NEK6: variants seen among roughly 807,000 people sequenced by gnomAD.
NEK6 encodes serine/threonine-protein kinase Nek6.
NEK6 carries 27 observed loss-of-function variants against 43.5 expected under a neutral mutation model. The ratio of observed to expected loss-of-function variants is 0.62; its 90% CI spans 0.46 to 0.86. The LOEUF (loss-of-function observed/expected upper bound fraction) is 0.86, where lower values mean the gene tolerates loss of function less well. Among genes scored for constraint, NEK6 ranks in the 40% least tolerant of loss-of-function variants. The pLI, the probability that NEK6 is intolerant of heterozygous loss-of-function variation, is 0.00. For synonymous variants in NEK6, 167 were observed against 164.1 expected (o/e 1.02, Z -0.14); for missense variants, 318 against 414.4 (o/e 0.77, Z 2.02).
chr9:124,306,500 G>A (rs1417103095), intron 2 of NEK6, among the ~76,000 whole-genome samples: 1 of 152,182 alleles, frequency 6.6e-6, no homozygotes, highest in Admixed American at 6.5e-5. Context: ...TGTACCAACA[G>A]CCCAGTGCCT....
intron 4 of NEK6, among the ~76,000 whole-genome samples, chr9:124,320,427 G>A (rs554447828): frequency 6.6e-6 from 1 of 152,292 alleles, no homozygotes; most frequent in Non-Finnish European, 1.5e-5. Flanking sequence ...TAGAATCCAC[G>A]GATGGGCACA....
intron 3 of NEK6, among the ~76,000 whole-genome samples, chr9:124,312,931 A>T (rs977732092): frequency 6.6e-6 from 1 of 152,178 alleles, no homozygotes; most frequent in Non-Finnish European, 1.5e-5. Flanking sequence ...GGGGATTGTC[A>T]TTTCATCTCT....
chr9:124,279,188 A>T (rs1831781963), intron 1 of NEK6, among the ~76,000 whole-genome samples: 1 of 151,668 alleles, frequency 6.6e-6, no homozygotes, highest in Non-Finnish European at 1.5e-5. Flanking sequence ...GAGGGTCTTT[A>T]TGGGGGCAAA....
At position 124,296,659 on chromosome 9, in the gene NEK6, A is replaced by T. The variant is rs545133954; in HGVS notation, c.-29-5277A>T. On this transcript the variant is annotated intron_variant, in intron 1 of 9. Coordinates refer to ENST00000320246, the MANE Select transcript of NEK6 (RefSeq NM_014397.6). ...GAATGCACTTCCATGCATGGACCCC[A>T]GTACACATGGACCCTTGCAAGCTCA... 7.9e-5 allele frequency among the ~76,000 whole-genome samples: 12 copies of T among 152,342 alleles called. No homozygotes were observed. The South Asian group carries it at 2.1e-3, about 26-fold the overall frequency.
chr9:124,315,801 T>C (rs894078707), intron 4 of NEK6, among the ~76,000 whole-genome samples: 3 of 152,226 alleles, frequency 2.0e-5, no homozygotes, highest in Non-Finnish European at 4.4e-5. Context: ...AGGGCTGCCA[T>C]GCAGCCAAGG....
intron 8 of NEK6, among the ~76,000 whole-genome samples, chr9:124,340,530 A>G (rs998498712): frequency 6.6e-6 from 1 of 152,118 alleles, no homozygotes; most frequent in African/African-American, 2.4e-5. Context: ...CCTGTCTTGC[A>G]TTGTCCTCAG....
At chr9:124,279,974 A>G (rs1367624492) in intron 1 of NEK6, among the ~76,000 whole-genome samples, 1 of 152,242 alleles carries the variant, frequency 6.6e-6, no homozygotes, top group Non-Finnish European at 1.5e-5. Flanking sequence ...AAATGATGGC[A>G]GAGTGGGTTA....
At chr9:124,346,638 C>A (rs1564665677) in intron 8 of NEK6, among the ~76,000 whole-genome samples, 1 of 152,174 alleles carries the variant, frequency 6.6e-6, no homozygotes, top group Non-Finnish European at 1.5e-5. Flanking sequence ...ACGAGAAGCT[C>A]TTTCCCATTA....
chr9:124,329,431 G>T (rs754127291), intron 7 of NEK6, among the ~76,000 whole-genome samples: 1 of 152,326 alleles, frequency 6.6e-6, no homozygotes, highest in East Asian at 1.9e-4. Flanking sequence ...CGTCTCATCC[G>T]ACAGTATGAT....
chr9:124,269,605 C>T (rs1309845516), intron 1 of NEK6, among the ~76,000 whole-genome samples: 5 of 151,976 alleles, frequency 3.3e-5, no homozygotes, highest in South Asian at 2.1e-4. Flanking sequence ...TCGAGTGATC[C>T]GCCTGCCTCG....
chr9:124,319,292 T>A (rs1174110315), intron 4 of NEK6, among the ~76,000 whole-genome samples: 1 of 151,416 alleles, frequency 6.6e-6, no homozygotes, highest in Non-Finnish European at 1.5e-5. Context: ...CCTCCTCTGC[T>A]CACTTTTTAA....
chr9:124,305,142 G>C (rs186428290), intron 2 of NEK6, among the ~76,000 whole-genome samples: 2 of 152,212 alleles, frequency 1.3e-5, no homozygotes, highest in Admixed American at 1.3e-4. Context: ...ACTTCGCAGG[G>C]GATTGGGTCA....
chr9:124,266,536 G>A lies in NEK6; in HGVS notation c.-30+8451G>A, dbSNP rs976631749. On this transcript the variant is annotated intron_variant, in intron 1 of 9. Transcript: ENST00000320246. The stretch of plus-strand genomic sequence containing the variant: ...GTGAGGGCCCCCAGGCAGCTGGAAG[G>A]AACAGTGTGCACCCAGGTACCATGC... Among the ~76,000 whole-genome samples, 3 of 152,196 alleles carry A rather than the reference G, an allele frequency of 2.0e-5. No individual in the cohort carries two copies. In the East Asian group the frequency reaches 5.8e-4, roughly 29 times the overall value.
At chr9:124,347,454 CTTTA>C (rs1829996755) in intron 8 of NEK6, among the ~76,000 whole-genome samples, 1 of 152,230 alleles carries the variant, frequency 6.6e-6, no homozygotes, top group Admixed American at 6.5e-5. Flanking sequence ...AGCTGCCCTT[CTTTA>C]TTGCCTTGAA....
intron 7 of NEK6, among the ~76,000 whole-genome samples, chr9:124,329,547 G>A (rs1009127064): frequency 2.6e-5 from 4 of 152,216 alleles, no homozygotes; most frequent in South Asian, 2.1e-4. Context: ...TCCGAGCGCC[G>A]ACCAGGCCAC....
intron 9 of NEK6, among the ~76,000 whole-genome samples, chr9:124,349,126 C>T (rs575821257): frequency 2.6e-5 from 4 of 152,250 alleles, no homozygotes; most frequent in Admixed American, 6.5e-5. Context: ...GTTGCAGACT[C>T]CAGGGCTAGA....
At chr9:124,278,702 C>G (rs1195177886) in intron 1 of NEK6, among the ~76,000 whole-genome samples, 1 of 152,196 alleles carries the variant, frequency 6.6e-6, no homozygotes, top group Non-Finnish European at 1.5e-5. Flanking sequence ...CAGATACCGG[C>G]TGGATGACTT....
Position 124,301,798 on chromosome 9 carries a change from G to A in NEK6, c.-29-138G>A, listed in dbSNP as rs573785777. 57 of 705,780 alleles carry A rather than the reference G, an allele frequency of 8.1e-5. No individual in the cohort carries two copies. In the South Asian group the frequency reaches 8.7e-4, roughly 11 times the overall value. The allele number at this position is 705,780 out of a possible 1,614,324, so 43.7% of individuals were successfully genotyped here. On this transcript the variant is annotated intron_variant, in intron 1 of 9. Transcript: ENST00000320246. ...GTCAAGTTGTAGCCCTGCCACTTCG[G>A]AGCTGGGTGACCGTGGGCAAATTAC... is the stretch of plus-strand genomic sequence containing the variant.
rs1382190743 is a variant in NEK6 at position 124,270,293 on chromosome 9, C to T, written c.-30+12208C>T. Among the ~76,000 whole-genome samples the T allele has an allele frequency of 3.9e-5, 6 of 152,194 alleles. No homozygotes were observed. The East Asian group carries it at 9.6e-4, about 24-fold the overall frequency. ...ATGAACGGCCAACCCTAGAAGTTCA[C>T]CCCACAAGACCTGCAGGGCGGGGGC... On this transcript the variant is annotated intron_variant, in intron 1 of 9. Coordinates refer to ENST00000320246, the MANE Select transcript of NEK6 (RefSeq NM_014397.6).
Sources: allele counts gnomAD v4.1 joint callset (sites outside exome capture counted in the v4.1 genomes callset), GRCh38; gene constraint gnomAD v4.1.1; transcripts MANE v1.5; gene names NCBI Gene and HGNC (gene_info 2026-07-23, HGNC 2026-07-21).